Variants in MECOM observed in about 807,000 individuals in gnomAD.
MECOM encodes the protein histone-lysine N-methyltransferase MECOM.
A neutral mutation model predicts 116.3 loss-of-function variants in MECOM; 13 were observed. The observed-to-expected ratio is 0.11, with a 90% CI of 0.07 to 0.18. The LOEUF is 0.18. Ranked by LOEUF, MECOM falls within the 10% of genes least tolerant of loss-of-function variation. The pLI is 1.00. For synonymous variants in MECOM, 528 were observed against 535.2 expected, an observed-to-expected ratio of 0.99 and a Z score of 0.19; for missense variants, 1,299 against 1,509.0, an observed-to-expected ratio of 0.86 and a Z score of 2.31.
intron 2 of MECOM, among the ~76,000 whole-genome samples, chr3:169,205,614 G>C (rs1240424657): frequency 6.6e-6 from 1 of 152,162 alleles, no homozygotes; most frequent in Non-Finnish European, 1.5e-5. Context: ...GAAAGAGTAA[G>C]CTGCCAGGAC....
In MECOM at chr3:169,398,543, ACCT is replaced by A. The variant is rs575364530; in HGVS notation, c.38-17022_38-17020del. Among the ~76,000 whole-genome samples, 265 of 152,256 alleles carry A rather than the reference ACCT, an allele frequency of 1.7e-3. 2 individuals are homozygous for A. The highest frequency in any genetic ancestry group is 6.0e-3 in the African/African-American group (248 of 41,538). On this transcript the variant is annotated intron_variant, in intron 1 of 16. Coordinates refer to ENST00000651503, the MANE Select transcript of MECOM (RefSeq NM_004991.4). ...AAAAATCAGCCACATCTTTTTGAGG[ACCT>A]CACAAAGTTCTTTTGTGACTGGTCA...
At chr3:169,423,323 A>G (rs1400208928) in intron 1 of MECOM, among the ~76,000 whole-genome samples, 7 of 151,540 alleles carry the variant, frequency 4.6e-5, no homozygotes, top group African/African-American at 1.7e-4. Context: ...GCATAAGCCA[A>G]TTAACCTCTC....
chr3:169,149,634 G>A, intron 2 of MECOM: 1 of 490,974 alleles, frequency 2.0e-6, no homozygotes, highest in Non-Finnish European at 4.1e-6. Context: ...CGAGAGGAAG[G>A]CACACTGCAG....
chr3:169,167,754 T>C (rs1743810109), intron 2 of MECOM, among the ~76,000 whole-genome samples: 1 of 151,984 alleles, frequency 6.6e-6, no homozygotes, highest in Admixed American at 6.6e-5. Context: ...GTTTGACATA[T>C]ACACATACAC....
intron 2 of MECOM, among the ~76,000 whole-genome samples, chr3:169,251,622 G>A (rs1577472464): frequency 6.6e-6 from 1 of 152,144 alleles, no homozygotes; most frequent in Non-Finnish European, 1.5e-5. Context: ...CAGTGGGAGA[G>A]GAGCCACATC....
chr3:169,526,428 G>A (rs1220286106), intron 1 of MECOM, among the ~76,000 whole-genome samples: 2 of 152,178 alleles, frequency 1.3e-5, no homozygotes, highest in African/African-American at 4.8e-5. Flanking sequence ...ACACATTCAA[G>A]TGTGAGCAAC....
rs557367065 is a variant in MECOM at position 169,333,895 on chromosome 3, T to C, written c.375+47292A>G. Among the ~76,000 whole-genome samples, 36 of 148,170 alleles carry C rather than the reference T, an allele frequency of 2.4e-4. 1 individual carries two copies. In the East Asian group the frequency reaches 7.0e-3, roughly 29 times the overall value. Reference sequence around the variant, plus strand: ...TTCCTTCTCTCCTTCCTTCCTTCCTTCCTCCCTCCCTCCCTCCCTTCCTTC... The same window carrying C: ...TTCCTTCTCTCCTTCCTTCCTTCCTCCCTCCCTCCCTCCCTCCCTTCCTTC... On this transcript the variant is annotated intron_variant, in intron 2 of 16. Transcript: ENST00000651503.
Position 169,107,933 on chromosome 3 carries a change from C to A in MECOM, c.2597G>T (p.Arg866Ile). The change falls in exon 10 of 17, where the codon AGA becomes ATA. Residue 866 changes from arginine (R) to isoleucine (I), a missense_variant. Around this residue, in one of 6 missense-constraint regions of MECOM, gnomAD observed 340 missense variants for 312.6 expected, o/e 1.09. Coordinates refer to ENST00000651503, the MANE Select transcript of MECOM (RefSeq NM_004991.4). ...TATAAGTAGGAAACTTACCCAAGTT[C>A]TCTGATCAGGCAGTTGGAACTGGGA... The part of the protein sequence containing the change: ...FHPQFQLPDQ[R>I]TWMSAIENMA... 6.2e-7 allele frequency: 1 copy of A among 1,612,524 alleles called. No individual in the cohort carries two copies. Among genetic ancestry groups the A allele is most frequent in the Non-Finnish European group, 8.5e-7 (1 of 1,179,232 alleles).
chr3:169,364,769 A>G (rs540517205), intron 2 of MECOM, among the ~76,000 whole-genome samples: 102 of 152,098 alleles, frequency 6.7e-4, no homozygotes, highest in Non-Finnish European at 6.6e-4. Context: ...CACCCACTCA[A>G]AATTGATGAT....
At chr3:169,468,665 C>T (rs1748703742) in intron 1 of MECOM, among the ~76,000 whole-genome samples, 1 of 152,242 alleles carries the variant, frequency 6.6e-6, no homozygotes, top group South Asian at 2.1e-4. Context: ...TTGAAAAATA[C>T]TTTATAGGAA....
At chr3:169,651,779 G>A (rs976782383) in intron 1 of MECOM, among the ~76,000 whole-genome samples, 1 of 151,562 alleles carries the variant, frequency 6.6e-6, no homozygotes, top group African/African-American at 2.4e-5. Flanking sequence ...AGTAACCTAC[G>A]AAGAAGAAAA....
At chr3:169,546,806 T>A (rs573540626) in intron 1 of MECOM, among the ~76,000 whole-genome samples, 1 of 152,252 alleles carries the variant, frequency 6.6e-6, no homozygotes. Context: ...TTTGAACTTT[T>A]TGAACTTTTC....
intron 2 of MECOM, among the ~76,000 whole-genome samples, chr3:169,168,063 T>G (rs761762157): frequency 6.6e-6 from 1 of 152,164 alleles, no homozygotes; most frequent in Admixed American, 6.5e-5. Context: ...TGCAATTCTA[T>G]TGTTAAAAAA....
At chr3:169,521,107 G>A (rs973086993) in intron 1 of MECOM, among the ~76,000 whole-genome samples, 3 of 152,212 alleles carry the variant, frequency 2.0e-5, no homozygotes, top group African/African-American at 7.2e-5. Context: ...GGTGAGGCTG[G>A]AGGGATGACA....
intron 1 of MECOM, among the ~76,000 whole-genome samples, chr3:169,489,814 C>A (rs1025514776): frequency 1.3e-5 from 2 of 152,008 alleles, no homozygotes; most frequent in Non-Finnish European, 2.9e-5. Flanking sequence ...TAATATCAGT[C>A]AAAAACAATT....
intron 2 of MECOM, among the ~76,000 whole-genome samples, chr3:169,251,283 G>T (rs1270260635): frequency 6.6e-6 from 1 of 152,128 alleles, no homozygotes; most frequent in Non-Finnish European, 1.5e-5. Context: ...AGCAATGCTT[G>T]GTTGGTACAA....
chr3:169,352,822 C>T (rs761286908), intron 2 of MECOM, among the ~76,000 whole-genome samples: 8 of 151,810 alleles, frequency 5.3e-5, no homozygotes, highest in South Asian at 2.1e-4. Context: ...AGCTATTCAA[C>T]GCAGAAAAGA....
chr3:169,417,646 G>A (rs1418189007), intron 1 of MECOM, among the ~76,000 whole-genome samples: 1 of 151,504 alleles, frequency 6.6e-6, no homozygotes, highest in Non-Finnish European at 1.5e-5. Context: ...CTGCTATAAA[G>A]ACACATGCAC....
chr3:169,229,138 G>C lies in MECOM; in HGVS notation c.376-85306C>G, dbSNP rs532675032. ...CGTTTACTTACAGTAAAATCTTCCA[G>C]AGGGGTTCCATAAAAATCTGCTCTG... On this transcript the variant is annotated intron_variant, in intron 2 of 16. Transcript: ENST00000651503. 4.6e-4 allele frequency among the ~76,000 whole-genome samples: 70 copies of C among 152,276 alleles called. 1 individual carries two copies. The highest frequency in any genetic ancestry group is 1.7e-3 in the African/African-American group (69 of 41,558).
Sources: allele counts gnomAD v4.1 joint callset (sites outside exome capture counted in the v4.1 genomes callset), GRCh38; gene constraint gnomAD v4.1.1; regional missense constraint gnomAD v4.1.1; transcripts MANE v1.5; gene names NCBI Gene and HGNC (gene_info 2026-07-23, HGNC 2026-07-21).